The following SMG1 variants were observed in gnomAD, a reference collection of about 807,000 sequenced individuals.
SMG1 encodes SMG1 nonsense mediated mRNA decay associated PI3K related kinase, also known as serine/threonine-protein kinase SMG1.
Under a neutral mutation model 419.9 loss-of-function variants are expected in SMG1, and 22 were observed. The ratio of observed to expected loss-of-function variants is 0.05; its 90% CI spans 0.04 to 0.07. SMG1 has a LOEUF of 0.07. Among genes scored for constraint, SMG1 ranks in the 10% least tolerant of loss-of-function variants. SMG1 has a pLI of 1.00. For synonymous variants in SMG1, 1,538 were observed against 1,553.5 expected (o/e 0.99, Z 0.23); for missense variants, 3,185 against 4,342.0 (o/e 0.73, Z 7.49).
chr16:18,914,262 C>G (rs1399225575), intron 1 of SMG1, among the ~76,000 whole-genome samples: 1 of 151,898 alleles, frequency 6.6e-6, no homozygotes, highest in African/African-American at 2.4e-5. Flanking sequence ...AAGTCCTACA[C>G]ATATTATATG....
intron 39 of SMG1, among the ~76,000 whole-genome samples, 172 bp downstream of exon 39, chr16:18,845,256 CT>C (rs896964877): frequency 9.2e-5 from 14 of 152,302 alleles, no homozygotes; most frequent in African/African-American, 2.9e-4. Flanking sequence ...TTTCCAAATT[CT>C]TAAACAGAAA....
intron 1 of SMG1, chr16:18,899,890 A>G: frequency 1.5e-6 from 1 of 672,268 alleles, no homozygotes; most frequent in East Asian, 2.7e-5. Context: ...TCATGGAGAG[A>G]AAAAAAAAGA....
intron 6 of SMG1, among the ~76,000 whole-genome samples, chr16:18,887,515 C>CGTTTTTT (rs1567427723): frequency 1.8e-5 from 1 of 56,536 alleles, no homozygotes; most frequent in Non-Finnish European, 4.2e-5. Context: ...ATTTTTTTTT[C>CGTTTTTT]CTTTTTTTTT....
intron 1 of SMG1, among the ~76,000 whole-genome samples, chr16:18,904,816 T>A (rs1411630277): frequency 6.6e-6 from 1 of 151,358 alleles, no homozygotes; most frequent in Non-Finnish European, 1.5e-5. Context: ...GTGCCTGCAA[T>A]CCCAGCTACT....
intron 43 of SMG1, 40 bp downstream of exon 43, chr16:18,838,511 C>T: frequency 1.2e-6 from 2 of 1,613,940 alleles, no homozygotes; most frequent in South Asian, 2.2e-5. Context: ...CACCAAAAAA[C>T]ATTTGGCCCT....
chr16:18,847,871 C>A lies in SMG1; in HGVS notation c.5786G>T (p.Cys1929Phe). ...LNEDQAMMQDCYSKIVDKLSS... is the reference protein window; with the variant it reads ...LNEDQAMMQDFYSKIVDKLSS... ...CAGCTTATCTACAATTTTGCTGTAACAATCCTGCATCATGGCTTGGTCTTC... is the reference window on the plus strand; with the variant it reads ...CAGCTTATCTACAATTTTGCTGTAAAAATCCTGCATCATGGCTTGGTCTTC... Residue 1929 changes from cysteine to phenylalanine, a missense_variant, in exon 37 of 63, where the codon TGT becomes TTT. Around this residue, in one of 27 missense-constraint regions of SMG1, gnomAD observed 130 missense variants for 162.0 expected, o/e 0.80. Transcript: ENST00000446231. 6.2e-7 allele frequency: 1 copy of A among 1,614,036 alleles called. No individual in the cohort carries two copies. The highest frequency in any genetic ancestry group is 8.5e-7 in the Non-Finnish European group (1 of 1,179,890).
Position 18,808,658 on chromosome 16 carries a change from T to G in SMG1, c.*911A>C, listed in dbSNP as rs904560694. ...TACATTAAATCAAATGTCTGTTAGA[T>G]TCATTACTTTTGAATGCACAGTGAC... On this transcript the variant is annotated 3_prime_UTR_variant, in exon 63 of 63. Coordinates refer to ENST00000446231, the MANE Select transcript of SMG1 (RefSeq NM_015092.5). 1.3e-5 allele frequency: 2 copies of G among 152,640 alleles called. No individual in the cohort carries two copies. The highest frequency in any genetic ancestry group is 2.9e-5 in the Non-Finnish European group (2 of 68,042). The allele number at this position is 152,640 out of a possible 1,614,324, so 9.5% of individuals were successfully genotyped here.
Position 18,877,189 on chromosome 16 carries a change from T to G in SMG1, c.1562A>C (p.Glu521Ala). 6.4e-7 allele frequency: 1 copy of G among 1,556,566 alleles called. No individual in the cohort carries two copies. The highest frequency in any genetic ancestry group is 8.7e-7 in the Non-Finnish European group (1 of 1,155,434). Residue 521 changes from glutamate (E) to alanine (A), a missense_variant, in exon 12 of 63, where the codon GAA (glutamate) becomes GCA (alanine). Glu to Ala is a moderately radical substitution (Grantham distance 107, BLOSUM62 -1). Around this residue, in one of 27 missense-constraint regions of SMG1, gnomAD observed 297 missense variants for 491.0 expected, o/e 0.60. Transcript: ENST00000446231. ...INTKLPSSFV[E>A]KLFIPSSKLL... ...TTTAGATGATGGTATAAACAGTTTT[T>G]CTACAAATGATGATGGCAGTTTCGT...
chr16:18,815,485 T>G lies in SMG1; in HGVS notation c.10469A>C (p.Gln3490Pro). 6.2e-7 allele frequency: 1 copy of G among 1,614,024 alleles called. No individual in the cohort carries two copies. The highest frequency in any genetic ancestry group is 8.5e-7 in the Non-Finnish European group (1 of 1,179,888). The stretch of plus-strand genomic sequence containing the variant: ...TTCTTTCAAGGTGGGAGTGATTTCC[T>G]GGAGCATTTCAACGTGTTCTTGACT... ...VRSQEHVEML[Q>P]EITPTLKELK... Residue 3490 changes from glutamine (Q) to proline (P), a missense_variant, in exon 59 of 63, where the codon CAG (glutamine) becomes CCG (proline). By Grantham distance (76) the Gln-to-Pro change is moderately conservative (BLOSUM62 -1). Coordinates refer to ENST00000446231, the MANE Select transcript of SMG1 (RefSeq NM_015092.5).
intron 1 of SMG1, among the ~76,000 whole-genome samples, chr16:18,919,066 C>T (rs2038085349): frequency 6.6e-6 from 1 of 152,164 alleles, no homozygotes; most frequent in Admixed American, 6.6e-5. Context: ...GTAGCTTATG[C>T]CTGTAATCCC....
At position 18,850,391 on chromosome 16, in the gene SMG1, T is replaced by G; in HGVS notation, c.5129A>C (p.Gln1710Pro). The G allele has an allele frequency of 6.2e-7, 1 of 1,614,002 alleles. No individual in the cohort carries two copies. Among genetic ancestry groups the G allele is most frequent in the Non-Finnish European group, 8.5e-7 (1 of 1,179,892 alleles). The change falls in exon 34 of 63, where the codon CAG becomes CCG. Residue 1710 changes from glutamine to proline, a missense_variant. By Grantham distance (76) the Gln-to-Pro change is moderately conservative. Around this residue, in one of 27 missense-constraint regions of SMG1, gnomAD observed 493 missense variants for 552.9 expected, o/e 0.89. Coordinates refer to ENST00000446231, the MANE Select transcript of SMG1 (RefSeq NM_015092.5). ...EDDMVDVIWR[Q>P]LISSCPWLSE... ...AAGCCATGGGCAGCTTGATATCAAC[T>G]GACGCCAGATAACATCAACCATGTC... is the stretch of plus-strand genomic sequence containing the variant.
chr16:18,905,316 T>C (rs2037517670), intron 1 of SMG1, among the ~76,000 whole-genome samples: 1 of 152,244 alleles, frequency 6.6e-6, no homozygotes. Context: ...CCTCTATCAA[T>C]CTAATAGCCT....
rs1596447582 is a variant in SMG1 at position 18,809,254 on chromosome 16, A to C, written c.*315T>G. On this transcript the variant is annotated 3_prime_UTR_variant, in exon 63 of 63. Transcript: ENST00000446231. The stretch of plus-strand genomic sequence containing the variant: ...TCACTCTGTGCTCCGCGGCATCCCG[A>C]TTTCTTTCCGCAGCTAACCTCCCGA... 1 of 313,452 alleles carries C rather than the reference A, an allele frequency of 3.2e-6. No homozygotes were observed. Among genetic ancestry groups the C allele is most frequent in the East Asian group, 6.2e-5 (1 of 16,006 alleles). The allele number at this position is 313,452 out of a possible 1,614,324, so 19.4% of individuals were successfully genotyped here.
At chr16:18,835,571 G>A (rs1204694021) in intron 48 of SMG1, among the ~76,000 whole-genome samples, 2 of 152,126 alleles carry the variant, frequency 1.3e-5, no homozygotes, top group African/African-American at 2.4e-5. Context: ...AGCCCAGGGA[G>A]GTCAAGGCTG....
chr16:18,848,369 G>A (rs1308230534), intron 36 of SMG1, among the ~76,000 whole-genome samples: 2 of 149,870 alleles, frequency 1.3e-5, no homozygotes, highest in South Asian at 2.1e-4. Flanking sequence ...CCAGGTTGGA[G>A]TACAGTGGCA....
intron 31 of SMG1, among the ~76,000 whole-genome samples, chr16:18,853,303 T>C (rs1438153860): frequency 6.6e-6 from 1 of 152,188 alleles, no homozygotes; most frequent in Non-Finnish European, 1.5e-5. Context: ...TTGCTCCTTC[T>C]ATTGTGAGGT....
At position 18,867,224 on chromosome 16, in the gene SMG1, G is replaced by C. The variant is rs367944464; in HGVS notation, c.3196-449C>G. ...CAAGCCAGGAATTACTCAAGCATTT[G>C]TCATACGTTATAAAAACAATTTCTC... On this transcript the variant is annotated intron_variant, in intron 22 of 62. Transcript: ENST00000446231. Among the ~76,000 whole-genome samples, 3 of 152,186 alleles carry C rather than the reference G, an allele frequency of 2.0e-5. No individual in the cohort carries two copies. In the East Asian group the frequency reaches 5.8e-4, roughly 29 times the overall value.
rs775889914 is a variant in SMG1 at position 18,866,602 on chromosome 16, T to A, written c.3350+19A>T. The A allele has an allele frequency of 4.4e-6, 7 of 1,579,034 alleles. No homozygotes were observed. In the Admixed American group the frequency reaches 1.2e-4, roughly 26 times the overall value. On this transcript the variant is annotated intron_variant, in intron 23 of 62. Transcript: ENST00000446231. Reference sequence around the variant, plus strand: ...AACATAAAGTAATTCTATCACCCATTTCCTTCCCTCCAACCTACCTCCCTT... The same window carrying A: ...AACATAAAGTAATTCTATCACCCATATCCTTCCCTCCAACCTACCTCCCTT...
At chr16:18,816,017 T>A (rs2031969134) in intron 58 of SMG1, 1 of 468,700 alleles carries the variant, frequency 2.1e-6, no homozygotes, top group African/African-American at 2.0e-5. Flanking sequence ...AAGCTGGATA[T>A]CTGAATGCTC....
Sources: allele counts gnomAD v4.1 joint callset (sites outside exome capture counted in the v4.1 genomes callset), GRCh38; gene constraint gnomAD v4.1.1; regional missense constraint gnomAD v4.1.1; transcripts MANE v1.5; gene names NCBI Gene and HGNC (gene_info 2026-07-23, HGNC 2026-07-21).